TNR: variants seen among roughly 807,000 people sequenced by gnomAD.
The protein encoded by TNR is tenascin R.
TNR carries 45 observed loss-of-function variants against 150.4 expected under a neutral mutation model. That is an observed-to-expected ratio of 0.30 (90% CI 0.24 to 0.38). The LOEUF (loss-of-function observed/expected upper bound fraction) is 0.38, where lower values mean the gene tolerates loss of function less well. Ranked by LOEUF, TNR falls within the 10% of genes least tolerant of loss-of-function variation. The pLI is 1.00. For synonymous variants in TNR, 687 were observed against 678.4 expected (o/e 1.01, Z -0.20); for missense variants, 1,544 against 1,759.1 (o/e 0.88, Z 2.19).
chr1:175,533,203 T>C (rs548350108), intron 1 of TNR, among the ~76,000 whole-genome samples: 1 of 152,342 alleles, frequency 6.6e-6, no homozygotes, highest in East Asian at 1.9e-4. Context: ...TGGAAAGGAA[T>C]TTACTGAATC....
intron 8 of TNR, among the ~76,000 whole-genome samples, chr1:175,383,063 C>G (rs2102028506): frequency 6.6e-6 from 1 of 152,184 alleles, no homozygotes; most frequent in Middle Eastern, 3.4e-3. Flanking sequence ...CTGGAAGAAT[C>G]AAGAATCATT....
rs775397831 is a variant in TNR at position 175,337,582 on chromosome 1, C to G, written c.3480G>C (p.Leu1160=). The stretch of plus-strand genomic sequence containing the variant: ...CACAGTACACTTGTAATTTCTGGCT[C>G]AGCTCCCCATTGAGGAAGATGGGGT... The part of the protein sequence containing the change: ...GVYPIFLNGE[L]SQKLQVYCDM... The change falls in exon 19 of 23, where the codon CTG becomes CTC. Residue 1160 remains leucine, a synonymous_variant. Coordinates refer to ENST00000367674, the MANE Select transcript of TNR (RefSeq NM_003285.3). 6.2e-7 allele frequency: 1 copy of G among 1,614,060 alleles called. No homozygotes were observed.
At chr1:175,664,687 G>C (rs150383272) in intron 1 of TNR, among the ~76,000 whole-genome samples, 6 of 152,312 alleles carry the variant, frequency 3.9e-5, no homozygotes, top group African/African-American at 7.2e-5. Flanking sequence ...AGAGGTAAAA[G>C]ATGTCAACAT....
intron 21 of TNR, among the ~76,000 whole-genome samples, chr1:175,327,807 C>T (rs2101981611): frequency 6.6e-6 from 1 of 152,276 alleles, no homozygotes; most frequent in East Asian, 1.9e-4. Flanking sequence ...CACAAACACC[C>T]CTTAAACTAG....
Position 175,330,104 on chromosome 1 carries a change from G to C in TNR, c.3763C>G (p.Leu1255Val). The C allele has an allele frequency of 4.4e-6, 7 of 1,607,006 alleles. No individual in the cohort carries two copies. The highest frequency in any genetic ancestry group is 6.0e-6 in the Non-Finnish European group (7 of 1,174,618). ...GTGCCGTTGTAGCTTCCTATGCGGA[G>C]TTTGTACAGGTTTCTGCTGTCCTCG... The part of the protein sequence containing the change: ...SVEDSRNLYK[L>V]RIGSYNGTAG... The change falls in exon 21 of 23, where the codon CTC becomes GTC. Residue 1255 changes from leucine to valine, a missense_variant. Physicochemically the swap from Leu to Val is conservative, Grantham distance 32. Around this residue, in one of 2 missense-constraint regions of TNR, gnomAD observed 290 missense variants for 429.7 expected, o/e 0.67. Coordinates refer to ENST00000367674, the MANE Select transcript of TNR (RefSeq NM_003285.3).
intron 1 of TNR, among the ~76,000 whole-genome samples, chr1:175,725,589 T>G (rs1667456173): frequency 6.6e-6 from 1 of 152,194 alleles, no homozygotes; most frequent in Non-Finnish European, 1.5e-5. Context: ...AACTATTTAT[T>G]TTAAAGAAAA....
intron 15 of TNR, among the ~76,000 whole-genome samples, chr1:175,358,465 T>C (rs1488825701): frequency 6.6e-6 from 1 of 152,256 alleles, no homozygotes; most frequent in Non-Finnish European, 1.5e-5. Context: ...CTTTTCCAAG[T>C]TGTTTAATTG....
intron 18 of TNR, 63 bp downstream of exon 18, chr1:175,354,328 C>A: frequency 1.3e-6 from 2 of 1,588,536 alleles, no homozygotes; most frequent in Non-Finnish European, 1.7e-6. Context: ...TCAGCAGAGG[C>A]TGCTGATGAG....
chr1:175,359,164 T>TTTTTTTTTTTTTTTTTG (rs1651472481), intron 15 of TNR, among the ~76,000 whole-genome samples: 2 of 139,440 alleles, frequency 1.4e-5, no homozygotes, highest in Non-Finnish European at 1.5e-5. Flanking sequence ...TTTTTTTTTT[T>TTTTTTTTTTTTTTTTTG]AGATGGAGTC....
chr1:175,469,681 G>A (rs560080358), intron 2 of TNR, among the ~76,000 whole-genome samples: 1 of 152,130 alleles, frequency 6.6e-6, no homozygotes, highest in East Asian at 1.9e-4. Context: ...GAGATTGAGA[G>A]GGCTTGGAAG....
At chr1:175,671,680 A>G (rs1228977973) in intron 1 of TNR, among the ~76,000 whole-genome samples, 2 of 152,238 alleles carry the variant, frequency 1.3e-5, no homozygotes, top group East Asian at 3.8e-4. Context: ...CTTAAAAAGT[A>G]TTCATTGTTT....
chr1:175,354,751 T>G (rs1651238539), intron 17 of TNR, among the ~76,000 whole-genome samples: 1 of 152,156 alleles, frequency 6.6e-6, no homozygotes, highest in Non-Finnish European at 1.5e-5. Context: ...TGGGATAAAT[T>G]TAGGTACCTG....
intron 1 of TNR, among the ~76,000 whole-genome samples, chr1:175,601,917 C>T (rs1240859022): frequency 2.0e-5 from 3 of 152,034 alleles, no homozygotes; most frequent in Non-Finnish European, 4.4e-5. Flanking sequence ...AAAGAAAAGC[C>T]ATGAATAAAT....
At chr1:175,652,203 AT>A (rs1665022597) in intron 1 of TNR, among the ~76,000 whole-genome samples, 1 of 148,536 alleles carries the variant, frequency 6.7e-6, no homozygotes, top group Non-Finnish European at 1.5e-5. Context: ...ATATTATATT[AT>A]TCTCTCAAAT....
chr1:175,492,033 G>GA (rs1194734356), intron 2 of TNR, among the ~76,000 whole-genome samples: 9 of 246 alleles, frequency 0.037, no homozygotes, highest in East Asian at 0.35. Flanking sequence ...CACTCATTGT[G>GA]GCCAAAGGCC....
At chr1:175,637,771 C>T (rs1664533193) in intron 1 of TNR, among the ~76,000 whole-genome samples, 1 of 152,156 alleles carries the variant, frequency 6.6e-6, no homozygotes, top group Non-Finnish European at 1.5e-5. Context: ...ATCTAATGTC[C>T]TCTAGGCTCC....
chr1:175,393,379 G>A (rs185369932), intron 6 of TNR, among the ~76,000 whole-genome samples: 141 of 152,328 alleles, frequency 9.3e-4, no homozygotes, highest in Middle Eastern at 6.8e-3. Flanking sequence ...TGCACAGAAT[G>A]AAGCTTTTGG....
chr1:175,632,291 C>G (rs1237873965), intron 1 of TNR, among the ~76,000 whole-genome samples: 3 of 152,228 alleles, frequency 2.0e-5, no homozygotes, highest in Non-Finnish European at 4.4e-5. Context: ...CAGTTTCTCT[C>G]TGTTCCCAAG....
At chr1:175,337,479 T>G in intron 19 of TNR, 49 bp downstream of exon 19, 1 of 1,609,822 alleles carries the variant, frequency 6.2e-7, no homozygotes, top group Non-Finnish European at 8.5e-7. Flanking sequence ...CTAGGTAGAC[T>G]AGAACACTGA....
Sources: allele counts gnomAD v4.1 joint callset (sites outside exome capture counted in the v4.1 genomes callset), GRCh38; gene constraint gnomAD v4.1.1; regional missense constraint gnomAD v4.1.1; transcripts MANE v1.5; gene names NCBI Gene and HGNC (gene_info 2026-07-23, HGNC 2026-07-21).